Variants in PHKG1 observed in about 807,000 individuals in gnomAD.
The protein encoded by PHKG1 is phosphorylase kinase catalytic subunit gamma 1.
A neutral mutation model predicts 50.5 loss-of-function variants in PHKG1; 48 were observed. The ratio of observed to expected loss-of-function variants is 0.95; its 90% confidence interval spans 0.75 to 1.21. PHKG1 has a LOEUF of 1.21. PHKG1 is among the 50% of genes most tolerant of loss of function. The pLI is 0.00. For missense variants in PHKG1, 487 were observed against 519.5 expected, an observed-to-expected ratio of 0.94 and a Z score of 0.61; for synonymous variants, 204 against 212.8, an observed-to-expected ratio of 0.96 and a Z score of 0.36.
At chr7:56,090,938 G>A (rs966863005) in intron 1 of PHKG1, among the ~76,000 whole-genome samples, 7 of 152,208 alleles carry the variant, frequency 4.6e-5, no homozygotes, top group African/African-American at 1.4e-4. Context: ...TAGGCGTGGC[G>A]TGATGGCTCA....
chr7:56,083,227 G>A (rs1277490610), intron 6 of PHKG1, 51 bp downstream of exon 6: 1 of 1,563,876 alleles, frequency 6.4e-7, no homozygotes, highest in African/African-American at 1.4e-5. Context: ...TCTGCAGATG[G>A]TTGATTGAGC....
rs1795920258 is a variant in PHKG1 at position 56,080,571 on chromosome 7, T to A, written c.*483A>T. On this transcript the variant is annotated 3_prime_UTR_variant, in exon 10 of 10. Transcript: ENST00000297373. ...GAGCCACCTCGCCTGGGCCCCCTTC[T>A]CCATATGCCTCCAAAAACATGTCCC... The A allele has an allele frequency of 5.9e-6, 1 of 170,848 alleles. No individual in the cohort carries two copies. The highest frequency in any genetic ancestry group is 2.8e-3 in the Middle Eastern group (1 of 362). 10.6% of individuals were successfully genotyped at this position (170,848 alleles called of 1,614,324 possible).
Position 56,083,408 on chromosome 7 carries a change from G to A in PHKG1, c.417C>T (p.Cys139=), listed in dbSNP as rs777908161. The A allele has an allele frequency of 2.5e-6, 4 of 1,614,072 alleles. No homozygotes were observed. Among genetic ancestry groups the A allele is most frequent in the Non-Finnish European group, 3.4e-6 (4 of 1,180,042 alleles). The change falls in exon 6 of 10, where the codon TGC becomes TGT. Residue 139 remains cysteine, a synonymous_variant. Transcript: ENST00000297373. The part of the protein sequence containing the change: ...KIMRALLEVI[C]TLHKLNIVHR... ...GCACGATGTTGAGTTTGTGCAAGGTGCAGATCACCTCCAGCAGAGCTCGCA... is the reference window on the plus strand; with the variant it reads ...GCACGATGTTGAGTTTGTGCAAGGTACAGATCACCTCCAGCAGAGCTCGCA...
chr7:56,090,266 C>A (rs547679970), intron 1 of PHKG1, among the ~76,000 whole-genome samples: 1 of 152,250 alleles, frequency 6.6e-6, no homozygotes, highest in East Asian at 1.9e-4. Flanking sequence ...CAGACATGCA[C>A]CACCATGCCT....
rs781191589 is a variant in PHKG1, at chr7:56,081,888, C to T, written c.792+5G>A. The T allele has an allele frequency of 1.9e-6, 3 of 1,613,176 alleles. No homozygotes were observed. In the African/African-American group the frequency reaches 4.0e-5, roughly 22 times the overall value. ...GCCCAGGAGCCAGTTGGCCTGGCCT[C>T]TCACCAGGTCCTTCACGGTGTCCGA... On this transcript the variant is annotated splice_donor_5th_base_variant and intron_variant, in intron 8 of 9. Coordinates refer to ENST00000297373, the MANE Select transcript of PHKG1 (RefSeq NM_006213.5). This position sits in a 1 kb window ranked among gnomAD's most constrained non-coding sequence, Gnocchi z 4.6.
In PHKG1 at chr7:56,086,967, T is replaced by TA. The variant is rs780685758; in HGVS notation, c.317+2dup. On this transcript the variant is annotated splice_region_variant and intron_variant, in intron 4 of 9. Transcript: ENST00000297373. ...GTGGCTTGCTCCAGTGCTGGGTACTTACAGGTCAAACACCAAGAAGAAGAA... is the reference window on the plus strand; with the variant it reads ...GTGGCTTGCTCCAGTGCTGGGTACTTAACAGGTCAAACACCAAGAAGAAGAA... The TA allele has an allele frequency of 6.2e-7, 1 of 1,611,756 alleles. No individual in the cohort carries two copies. The highest frequency in any genetic ancestry group is 8.5e-7 in the Non-Finnish European group (1 of 1,178,034).
intron 4 of PHKG1, among the ~76,000 whole-genome samples, chr7:56,084,560 G>C (rs1206386983): frequency 6.6e-6 from 1 of 151,966 alleles, no homozygotes; most frequent in Non-Finnish European, 1.5e-5. Context: ...TTTTAGTAGA[G>C]ACAGCGTTTC....
Position 56,081,731 on chromosome 7 carries a change from G to A in PHKG1, c.817C>T (p.Pro273Ser), listed in dbSNP as rs1796004368. The A allele has an allele frequency of 3.1e-6, 5 of 1,613,824 alleles. No homozygotes were observed. Among genetic ancestry groups the A allele is most frequent in the Non-Finnish European group, 4.2e-6 (5 of 1,179,836 alleles). The change falls in exon 9 of 10, where the codon CCC becomes TCC. Residue 273 changes from proline (P) to serine (S), a missense_variant. Pro to Ser is a moderately conservative substitution (Grantham distance 74, BLOSUM62 -1). Transcript: ENST00000297373. This position sits in a 1 kb window ranked among gnomAD's most constrained non-coding sequence, Gnocchi z 4.6. ...TCTTCCGCTGTGTAGCGGTTCTGGGGTTGCACCACCAGGAATCGGGAGACC... is the reference window on the plus strand; with the variant it reads ...TCTTCCGCTGTGTAGCGGTTCTGGGATTGCACCACCAGGAATCGGGAGACC... ...DLVSRFLVVQ[P>S]QNRYTAEEAL... is the part of the protein sequence containing the mutation.
At chr7:56,091,374 G>A (rs1352078271) in intron 1 of PHKG1, among the ~76,000 whole-genome samples, 2 of 151,872 alleles carry the variant, frequency 1.3e-5, no homozygotes, top group Admixed American at 6.6e-5. Context: ...AAAATTAGCC[G>A]GGCGTGGTGG....
chr7:56,086,308 A>C (rs1172262529), intron 4 of PHKG1, among the ~76,000 whole-genome samples: 1 of 152,052 alleles, frequency 6.6e-6, no homozygotes. Context: ...CTATATGTAC[A>C]TACCTAAGAT....
In PHKG1 at chr7:56,088,732, TCTC is replaced by T. The variant is rs1796373940; in HGVS notation, c.83+124_83+126del. On this transcript the variant is annotated intron_variant, in intron 2 of 9. Transcript: ENST00000297373. The stretch of plus-strand genomic sequence containing the variant: ...AGGGCAGGACCCCAAACAAAGGGTT[TCTC>T]CAAGTGAACAGCACTTTGGGGATGA... 30 of 632,762 alleles carry T rather than the reference TCTC, an allele frequency of 4.7e-5. No homozygotes were observed. The East Asian group carries it at 8.3e-4, about 17-fold the overall frequency. 39.2% of individuals were successfully genotyped at this position (632,762 alleles called of 1,614,324 possible). A position where few individuals can be genotyped will look rare whatever the true frequency, so the allele number is the denominator to read the frequency against.
intron 2 of PHKG1, 95 bp from the exon 3 acceptor site, chr7:56,087,871 G>C (rs1796330009): frequency 2.1e-6 from 2 of 972,694 alleles, no homozygotes; most frequent in Non-Finnish European, 3.1e-6. Context: ...GCCCTTGACA[G>C]AGATTTACAC....
At chr7:56,085,716 G>A (rs532551187) in intron 4 of PHKG1, among the ~76,000 whole-genome samples, 4 of 151,926 alleles carry the variant, frequency 2.6e-5, no homozygotes, top group African/African-American at 9.7e-5. Context: ...TGTAATCCCA[G>A]CACTTTGGGA....
chr7:56,083,269 T>C lies in PHKG1; in HGVS notation c.547+9A>G, dbSNP rs1165389896. On this transcript the variant is annotated intron_variant, in intron 6 of 9. Transcript: ENST00000297373. Reference sequence around the variant, plus strand: ...GGCCTGGACGTGGGCCAAGGCCATGTTACCAGACCTCGCAGCCTCTCTCCC... The same window carrying C: ...GGCCTGGACGTGGGCCAAGGCCATGCTACCAGACCTCGCAGCCTCTCTCCC... 6.2e-7 allele frequency: 1 copy of C among 1,613,660 alleles called. No homozygotes were observed. The highest frequency in any genetic ancestry group is 8.5e-7 in the Non-Finnish European group (1 of 1,179,868).
intron 4 of PHKG1, among the ~76,000 whole-genome samples, chr7:56,085,047 G>T (rs1420147955): frequency 2.0e-5 from 3 of 152,030 alleles, no homozygotes; most frequent in Non-Finnish European, 4.4e-5. Context: ...TGCAACCTCT[G>T]CTTCCTGGGT....
rs1169039458 is a variant in PHKG1 at position 56,087,616 on chromosome 7, A to G, written c.244T>C (p.Ser82Pro). 5 of 1,613,546 alleles carry G rather than the reference A, an allele frequency of 3.1e-6. No homozygotes were observed. Among genetic ancestry groups the G allele is most frequent in the Non-Finnish European group, 3.4e-6 (4 of 1,179,870 alleles). The change falls in exon 3 of 10, where the codon TCA (serine) becomes CCA (proline). Residue 82 changes from serine (S) to proline (P), a missense_variant. Coordinates refer to ENST00000297373, the MANE Select transcript of PHKG1 (RefSeq NM_006213.5). ...LKEVDILRKV[S>P]GHPNIIQLKD... ...CACTCACTGATGTTGGGGTGCCCTG[A>G]GACCTTGCGCAGGATGTCCACCTCC... is the stretch of plus-strand genomic sequence containing the variant.
In PHKG1 at chr7:56,083,395, G is replaced by A. The variant is rs1206111609; in HGVS notation, c.430C>T (p.Leu144Phe). Residue 144 changes from leucine to phenylalanine, a missense_variant, in exon 6 of 10, where the codon CTC becomes TTC. Coordinates refer to ENST00000297373, the MANE Select transcript of PHKG1 (RefSeq NM_006213.5). Reference protein sequence around the residue: ...LLEVICTLHKLNIVHRDLKPE... With the variant: ...LLEVICTLHKFNIVHRDLKPE... ...TTCAGGTCCCGGTGCACGATGTTGAGTTTGTGCAAGGTGCAGATCACCTCC... is the reference window on the plus strand; with the variant it reads ...TTCAGGTCCCGGTGCACGATGTTGAATTTGTGCAAGGTGCAGATCACCTCC... 6 of 1,614,142 alleles carry A rather than the reference G, an allele frequency of 3.7e-6. No homozygotes were observed. In the Admixed American group the frequency reaches 8.3e-5, roughly 22 times the overall value.
In PHKG1 at chr7:56,082,028, G is replaced by A. The variant is rs1796024492; in HGVS notation, c.657C>T (p.Ile219=). 1.2e-6 allele frequency: 2 copies of A among 1,613,452 alleles called. No homozygotes were observed. Among genetic ancestry groups the A allele is most frequent in the African/African-American group, 1.3e-5 (1 of 74,940 alleles). ...GGGAGCCGGCCAGCAGCGTGTACATGATGACGCCAGTGCTCCACCTGGACA... is the reference window on the plus strand; with the variant it reads ...GGGAGCCGGCCAGCAGCGTGTACATAATGACGCCAGTGCTCCACCTGGACA... The part of the protein sequence containing the change: ...KEVDMWSTGV[I]MYTLLAGSPP... Residue 219 remains isoleucine (I), a synonymous_variant, in exon 8 of 10, where the codon ATC becomes ATT. Transcript: ENST00000297373.
chr7:56,082,471 T>C (rs1364599780), intron 6 of PHKG1, among the ~76,000 whole-genome samples: 3 of 152,114 alleles, frequency 2.0e-5, no homozygotes, highest in African/African-American at 7.2e-5. Flanking sequence ...CATGTGCCTG[T>C]AGTCCCAGCT....
Sources: gnomAD v4.1 joint callset for allele counts (sites outside exome capture counted in the v4.1 genomes callset) on GRCh38, gnomAD v4.1.1 for gene constraint, Gnocchi (gnomAD v3.1) non-coding constraint, MANE v1.5 for transcripts, NCBI Gene and HGNC (gene_info 2026-07-23, HGNC 2026-07-21) for gene names.